Variants in ADAT1 observed in about 807,000 individuals in gnomAD.
ADAT1 encodes the protein tRNA-specific adenosine deaminase 1.
In ADAT1, 58 loss-of-function variants were observed where a neutral mutation model predicts 58.6. The observed-to-expected ratio is 0.99, with a 90% CI of 0.80 to 1.23. The LOEUF is 1.23. Ranked by LOEUF, ADAT1 falls within the 50% of genes most tolerant of loss-of-function variation. The pLI is 0.00. For synonymous variants in ADAT1, 254 were observed against 220.8 expected (o/e 1.15, Z -1.33); for missense variants, 741 against 608.6 (o/e 1.22, Z -2.29).
At chr16:75,619,504 T>A in intron 3 of ADAT1, 1 of 418,142 alleles carries the variant, frequency 2.4e-6, no homozygotes, top group East Asian at 7.1e-5. Flanking sequence ...ACCACCGTAC[T>A]TCAGTGAGAC....
chr16:75,621,492 TA>T (rs760798213), intron 1 of ADAT1, among the ~76,000 whole-genome samples: 2 of 152,078 alleles, frequency 1.3e-5, no homozygotes, highest in Non-Finnish European at 2.9e-5. Context: ...AAAATAGTGA[TA>T]ACAATAGTAT....
intron 3 of ADAT1, chr16:75,619,764 G>C (rs1011137307): frequency 7.8e-6 from 3 of 383,030 alleles, no homozygotes; most frequent in Admixed American, 3.3e-5. Flanking sequence ...ACAAAAATTA[G>C]CTGGGCGTGA....
At chr16:75,602,873 A>AT (rs60478617) in intron 9 of ADAT1, among the ~76,000 whole-genome samples, 1 of 152,290 alleles carries the variant, frequency 6.6e-6, no homozygotes, top group African/African-American at 2.4e-5. Context: ...TTAGTTTTTT[A>AT]TAACTCTATA....
intron 6 of ADAT1, 152 bp from the exon 7 acceptor site, chr16:75,609,140 T>C (rs996042379): frequency 7.8e-6 from 7 of 902,086 alleles, no homozygotes; most frequent in African/African-American, 3.4e-5. Context: ...AGAATCAAGA[T>C]TGTAAGCACC....
rs1055509275 is a variant in ADAT1 at position 75,616,457 on chromosome 16, T to C, written c.424+685A>G. 2.6e-5 allele frequency among the ~76,000 whole-genome samples: 4 copies of C among 152,244 alleles called. No homozygotes were observed. In the South Asian group the frequency reaches 8.3e-4, roughly 31 times the overall value. ...AAAAGTTTTAAGGTTTAATCTTATA[T>C]CCTTATTTCAAAGGTTTTAGGGTGA... On this transcript the variant is annotated intron_variant, in intron 5 of 9. Coordinates refer to ENST00000564657, the MANE Select transcript of ADAT1 (RefSeq NM_001324445.2).
rs1474564930 is a variant in ADAT1 at position 75,622,402 on chromosome 16, C to T, written c.-22+1G>A. 1 of 152,130 alleles carries T rather than the reference C, an allele frequency of 6.6e-6. No homozygotes were observed. The highest frequency in any genetic ancestry group is 6.5e-5 in the Admixed American group (1 of 15,282). 9.4% of individuals were successfully genotyped at this position (152,130 alleles called of 1,614,324 possible). A position where few individuals can be genotyped will look rare whatever the true frequency, so the allele number is the denominator to read the frequency against. On this transcript the variant is annotated splice_donor_variant, in intron 1 of 9. Transcript: ENST00000564657. LOFTEE classifies it low-confidence loss of function (5UTR_SPLICE). ...AGAATCCTCGTTTGGAAGGGACTCA[C>T]CTCTCATTTCTAGGGAGGCATCACA...
Position 75,603,116 on chromosome 16 carries a change from T to C in ADAT1, c.1345A>G (p.Ile449Val). The C allele has an allele frequency of 6.2e-7, 1 of 1,614,114 alleles. No individual in the cohort carries two copies. The highest frequency in any genetic ancestry group is 8.5e-7 in the Non-Finnish European group (1 of 1,179,956). The change falls in exon 9 of 10, where the codon ATT (isoleucine) becomes GTT (valine). Residue 449 changes from isoleucine (I) to valine (V), a missense_variant. By Grantham distance (29) the Ile-to-Val change is conservative. Coordinates refer to ENST00000564657, the MANE Select transcript of ADAT1 (RefSeq NM_001324445.2). Reference protein sequence around the residue: ...FRSFQKLLSRIARDKWPHSLR... With the variant: ...FRSFQKLLSRVARDKWPHSLR... ...GAGTGTGGCCACTTGTCCCTTGCAA[T>C]TCTGCTTAGCAGCTTCTGGAATGAT...
chr16:75,619,328 G>A (rs1040471261), intron 3 of ADAT1, among the ~76,000 whole-genome samples: 8 of 152,098 alleles, frequency 5.3e-5, no homozygotes, highest in Non-Finnish European at 1.2e-4. Context: ...TTTGAGACCA[G>A]CCTGGCTAAC....
At chr16:75,610,940 C>A (rs910824357) in intron 6 of ADAT1, among the ~76,000 whole-genome samples, 4 of 152,090 alleles carry the variant, frequency 2.6e-5, no homozygotes, top group African/African-American at 9.7e-5. Context: ...AATAACACCC[C>A]GTCTCCACAA....
intron 7 of ADAT1, 160 bp from the exon 8 acceptor site, chr16:75,608,483 T>G: frequency 1.6e-6 from 1 of 620,528 alleles, no homozygotes; most frequent in Non-Finnish European, 2.8e-6. Context: ...CAGGGTACAG[T>G]AGTCTAAGTG....
chr16:75,618,524 A>T, intron 4 of ADAT1, 62 bp downstream of exon 4: 1 of 1,277,138 alleles, frequency 7.8e-7, no homozygotes, highest in Non-Finnish European at 1.1e-6. Flanking sequence ...AAAAAAAAAA[A>T]AGTAAATTCC....
intron 9 of ADAT1, among the ~76,000 whole-genome samples, chr16:75,602,254 C>G (rs756748943): frequency 2.6e-5 from 4 of 152,196 alleles, no homozygotes; most frequent in Non-Finnish European, 5.9e-5. Flanking sequence ...ACTTTGGACA[C>G]TGATGTCTGA....
At position 75,607,501 on chromosome 16, in the gene ADAT1, C is replaced by CAA. The variant is rs200929671; in HGVS notation, c.1289+721_1289+722dup. Among the ~76,000 whole-genome samples the CAA allele has an allele frequency of 1.1e-3, 116 of 102,150 alleles. 1 individual carries two copies. The highest frequency in any genetic ancestry group is 1.5e-3 in the Admixed American group (16 of 10,624). The allele number at this position is 102,150 out of a possible 152,430, so 67.0% of individuals were successfully genotyped here. ...CAGGTGACAGAGCAAGACTCTATCT[C>CAA]AAAAAAAAAAAAAAAAGACTGTAAT... On this transcript the variant is annotated intron_variant, in intron 8 of 9. Transcript: ENST00000564657.
In ADAT1 at chr16:75,598,202, G is replaced by C. The variant is rs1231468302; in HGVS notation, c.*2014C>G. On this transcript the variant is annotated 3_prime_UTR_variant, in exon 10 of 10. Transcript: ENST00000564657. The stretch of plus-strand genomic sequence containing the variant: ...AGAGATTCTTCTGCCTCAGCCTCCT[G>C]AGTAGTTGGGACTATAGGCGTGCGC... The C allele has an allele frequency of 6.7e-6, 2 of 298,952 alleles. No homozygotes were observed. The highest frequency in any genetic ancestry group is 4.6e-5 in the African/African-American group (2 of 43,174). 18.5% of individuals were successfully genotyped at this position (298,952 alleles called of 1,614,324 possible).
chr16:75,603,948 C>T (rs1206571038), intron 8 of ADAT1, among the ~76,000 whole-genome samples: 2 of 146,000 alleles, frequency 1.4e-5, no homozygotes, highest in African/African-American at 4.9e-5. Flanking sequence ...CAAAATCTCC[C>T]TTACCTGGCT....
In ADAT1 at chr16:75,612,631, C is replaced by T. The variant is rs748860320; in HGVS notation, c.655G>A (p.Gly219Ser). The change falls in exon 6 of 10, where the codon GGC becomes AGC. Residue 219 changes from glycine (G) to serine (S), a missense_variant. Coordinates refer to ENST00000564657, the MANE Select transcript of ADAT1 (RefSeq NM_001324445.2). ...GAGATTGGGCCACTTTTCTGCTTGC[C>T]AAAACTCTGATGGTGAGCTGCTCCG... The part of the protein sequence containing the change: ...TNGAAHHQSF[G>S]KQKSGPISPG... The T allele has an allele frequency of 6.2e-7, 1 of 1,614,000 alleles. No individual in the cohort carries two copies. Among genetic ancestry groups the T allele is most frequent in the Non-Finnish European group, 8.5e-7 (1 of 1,179,998 alleles).
chr16:75,602,011 C>A (rs573096815), intron 9 of ADAT1: 1 of 152,042 alleles, frequency 6.6e-6, no homozygotes, highest in Non-Finnish European at 1.5e-5. Context: ...TGGTAGATCT[C>A]GCTGATCACA....
chr16:75,615,081 G>C (rs1206090977), intron 5 of ADAT1, among the ~76,000 whole-genome samples: 1 of 151,852 alleles, frequency 6.6e-6, no homozygotes, highest in Non-Finnish European at 1.5e-5. Context: ...AAAAAAATTA[G>C]CCGGGCGTGG....
rs2081587451 is a variant in ADAT1, at chr16:75,612,758, G to A, written c.528C>T (p.Asn176=). 6.2e-7 allele frequency: 1 copy of A among 1,614,082 alleles called. No homozygotes were observed. Among genetic ancestry groups the A allele is most frequent in the Non-Finnish European group, 8.5e-7 (1 of 1,180,026 alleles). Residue 176 remains asparagine, a synonymous_variant, in exon 6 of 10, where the codon AAC becomes AAT. Transcript: ENST00000564657. ...AHNSSVEASS[N]LEAPGNERKC... ...TTCTTTCATTTCCAGGAGCTTCCAGGTTACTACTGGCTTCTACTGATGAGT... is the reference window on the plus strand; with the variant it reads ...TTCTTTCATTTCCAGGAGCTTCCAGATTACTACTGGCTTCTACTGATGAGT...
Sources: allele counts gnomAD v4.1 joint callset (sites outside exome capture counted in the v4.1 genomes callset), GRCh38; gene constraint gnomAD v4.1.1; transcripts MANE v1.5; gene names NCBI Gene and HGNC (gene_info 2026-07-23, HGNC 2026-07-21).